Variants in CYSTM1 observed in about 807,000 individuals in gnomAD.
CYSTM1 encodes cysteine-rich transmembrane module-containing protein 1.
Under a neutral mutation model 13.1 loss-of-function variants are expected in CYSTM1, and 4 were observed. The observed-to-expected ratio is 0.31, with a 90% CI of 0.15 to 0.70. The LOEUF (loss-of-function observed/expected upper bound fraction) is 0.70, where lower values mean the gene tolerates loss of function less well. CYSTM1 is among the 30% of genes least tolerant of loss of function. The probability of loss-of-function intolerance (pLI) is 0.72; values close to 1 mark genes in which losing one functional copy is unlikely to be tolerated. For missense variants in CYSTM1, 96 were observed against 121.6 expected (o/e 0.79, Z 0.99); for synonymous variants, 36 against 42.7 (o/e 0.84, Z 0.62).
At chr5:140,241,948 G>A (rs926749653) in intron 2 of CYSTM1, among the ~76,000 whole-genome samples, 2 of 152,234 alleles carry the variant, frequency 1.3e-5, no homozygotes, top group African/African-American at 2.4e-5. Flanking sequence ...TTCTGCCCTT[G>A]CCTCTGCCTC....
intron 1 of CYSTM1, among the ~76,000 whole-genome samples, chr5:140,181,467 C>T (rs1330377939): frequency 1.3e-5 from 2 of 152,142 alleles, no homozygotes; most frequent in Non-Finnish European, 2.9e-5. Flanking sequence ...GTGTGAGAAA[C>T]TAATGAGGGA....
At chr5:140,227,398 G>A (rs868481368) in intron 2 of CYSTM1, among the ~76,000 whole-genome samples, 2 of 152,180 alleles carry the variant, frequency 1.3e-5, no homozygotes, top group South Asian at 2.1e-4. Flanking sequence ...TCCTTGGAGG[G>A]AGAGTTGTGA....
chr5:140,189,621 GTTATT>G (rs1764066157), intron 1 of CYSTM1, among the ~76,000 whole-genome samples: 3 of 152,066 alleles, frequency 2.0e-5, no homozygotes, highest in Non-Finnish European at 2.9e-5. Context: ...CGTAATAATA[GTTATT>G]TTATTTATTG....
In CYSTM1 at chr5:140,219,046, C is replaced by G. The variant is rs1435667533; in HGVS notation, c.188-24259C>G. Among the ~76,000 whole-genome samples the G allele has an allele frequency of 1.3e-5, 2 of 152,144 alleles. No individual in the cohort carries two copies. The highest frequency in any genetic ancestry group is 4.8e-5 in the African/African-American group (2 of 41,434). On this transcript the variant is annotated intron_variant, in intron 2 of 2. Transcript: ENST00000261811. This position sits in a 1 kb window ranked among gnomAD's most constrained non-coding sequence, Gnocchi z 4.1. ...TGGCTTCAGTGACAAGCTGGCCAAG[C>G]CTGATAGAGTTCACCATGGAAGGGA...
intron 2 of CYSTM1, among the ~76,000 whole-genome samples, chr5:140,214,081 A>C (rs2126664925): frequency 6.6e-6 from 1 of 152,344 alleles, no homozygotes; most frequent in East Asian, 1.9e-4. Flanking sequence ...AATGGTTTTT[A>C]GTGAGTGTAC....
intron 2 of CYSTM1, among the ~76,000 whole-genome samples, chr5:140,224,197 T>C (rs1359344623): frequency 1.3e-5 from 2 of 152,194 alleles, no homozygotes; most frequent in African/African-American, 4.8e-5. Flanking sequence ...TGGAGTGCAG[T>C]GGCGAAATCT....
At chr5:140,214,310 A>G (rs778504864) in intron 2 of CYSTM1, among the ~76,000 whole-genome samples, 4 of 152,224 alleles carry the variant, frequency 2.6e-5, no homozygotes, top group Non-Finnish European at 5.9e-5. Context: ...GATAGAGACA[A>G]TCTGTTTTGG....
intron 2 of CYSTM1, among the ~76,000 whole-genome samples, chr5:140,233,774 T>C (rs1764646383): frequency 6.6e-6 from 1 of 152,234 alleles, no homozygotes; most frequent in Non-Finnish European, 1.5e-5. Context: ...ATATCCTCTT[T>C]GGTGAAGTGT....
chr5:140,230,871 G>A lies in CYSTM1; in HGVS notation c.188-12434G>A, dbSNP rs1207259429. On this transcript the variant is annotated intron_variant, in intron 2 of 2. Coordinates refer to ENST00000261811, the MANE Select transcript of CYSTM1 (RefSeq NM_032412.4). The surrounding 1 kb of genome is among the most constrained non-coding windows in gnomAD (Gnocchi z 4.1). Reference sequence around the variant, plus strand: ...TGAGCTAGAATCAGGAATCTGGTGTGATGTGTACCCTCCTTCCACCAGCAC... The same window carrying A: ...TGAGCTAGAATCAGGAATCTGGTGTAATGTGTACCCTCCTTCCACCAGCAC... Among the ~76,000 whole-genome samples, 1 of 152,186 alleles carries A rather than the reference G, an allele frequency of 6.6e-6. No homozygotes were observed. Among genetic ancestry groups the A allele is most frequent in the Non-Finnish European group, 1.5e-5 (1 of 68,036 alleles).
chr5:140,212,116 A>T (rs914253937), intron 2 of CYSTM1, among the ~76,000 whole-genome samples: 1 of 152,208 alleles, frequency 6.6e-6, no homozygotes, highest in Admixed American at 6.5e-5. Flanking sequence ...TGAGATTCAG[A>T]GGGATGACAT....
intron 2 of CYSTM1, among the ~76,000 whole-genome samples, chr5:140,208,247 G>T (rs1281293478): frequency 6.6e-6 from 1 of 152,200 alleles, no homozygotes; most frequent in Non-Finnish European, 1.5e-5. Context: ...ATTCACAGTG[G>T]AGTACTATTC....
At chr5:140,232,843 C>T (rs1426169133) in intron 2 of CYSTM1, among the ~76,000 whole-genome samples, 3 of 152,136 alleles carry the variant, frequency 2.0e-5, no homozygotes, top group Non-Finnish European at 2.9e-5. Context: ...GGTTAGACAT[C>T]AAGTAAGGGA....
chr5:140,184,387 G>GT (rs397739910), intron 1 of CYSTM1, among the ~76,000 whole-genome samples: 74,449 of 146,248 alleles, frequency 0.51, 18,714 homozygotes, highest in East Asian at 0.55. Context: ...ATAAAGTTGG[G>GT]TTTTTTTTTT....
At position 140,243,245 on chromosome 5, in the gene CYSTM1, T is replaced by TGGGAGCCTCCCAGGTCC. The variant is rs1209655927; in HGVS notation, c.188-60_188-59insGGGAGCCTCCCAGGTCC. The TGGGAGCCTCCCAGGTCC allele has an allele frequency of 2.4e-5, 36 of 1,473,112 alleles. No individual in the cohort carries two copies. The Middle Eastern group carries it at 6.9e-4, about 28-fold the overall frequency. 91.3% of individuals were successfully genotyped at this position (1,473,112 alleles called of 1,614,324 possible). ...CTTCCTGTGGTCCTGGGAGGCTAAC[T>TGGGAGCCTCCCAGGTCC]TTGCAGGGCCTGGGGTTTGCACCAG... On this transcript the variant is annotated intron_variant, in intron 2 of 2. Coordinates refer to ENST00000261811, the MANE Select transcript of CYSTM1 (RefSeq NM_032412.4).
intron 2 of CYSTM1, among the ~76,000 whole-genome samples, chr5:140,229,195 C>G (rs943108324): frequency 6.6e-6 from 1 of 152,006 alleles, no homozygotes; most frequent in East Asian, 1.9e-4. Context: ...TTCTTCCTAT[C>G]TGACTCTCTT....
At chr5:140,195,555 C>T (rs1047245165) in intron 2 of CYSTM1, among the ~76,000 whole-genome samples, 12 of 150,942 alleles carry the variant, frequency 8.0e-5, no homozygotes, top group Non-Finnish European at 1.5e-4. Context: ...CGTTCTCCTG[C>T]CTCAGCCTCC....
In CYSTM1 at chr5:140,179,491, C is replaced by T. The variant is rs184991910; in HGVS notation, c.-21+4206C>T. On this transcript the variant is annotated intron_variant, in intron 1 of 2. Coordinates refer to ENST00000261811, the MANE Select transcript of CYSTM1 (RefSeq NM_032412.4). ...ACAAGAATTGCTTGAACCCAGGAGG[C>T]GGAGGTTGCAATGAGCCAAGATTGT... 6.2e-3 allele frequency among the ~76,000 whole-genome samples: 929 copies of T among 149,954 alleles called. 6 individuals carry two copies. The highest frequency in any genetic ancestry group is 9.9e-3 in the Non-Finnish European group (668 of 67,442).
chr5:140,238,728 T>G (rs904161116), intron 2 of CYSTM1, among the ~76,000 whole-genome samples: 1 of 152,204 alleles, frequency 6.6e-6, no homozygotes, highest in Admixed American at 6.5e-5. Context: ...GCTTAAAGAT[T>G]TTCCCTTCCC....
chr5:140,192,350 A>G (rs1764104270), intron 1 of CYSTM1, among the ~76,000 whole-genome samples: 1 of 152,336 alleles, frequency 6.6e-6, no homozygotes, highest in East Asian at 1.9e-4. Flanking sequence ...CCCAGTGTCA[A>G]GAAAGCACTT....
Sources: gnomAD v4.1 joint callset for allele counts (sites outside exome capture counted in the v4.1 genomes callset) on GRCh38, gnomAD v4.1.1 for gene constraint, Gnocchi (gnomAD v3.1) non-coding constraint, MANE v1.5 for transcripts, NCBI Gene and HGNC (gene_info 2026-07-23, HGNC 2026-07-21) for gene names.